TRIML2: variants seen among roughly 807,000 people sequenced by gnomAD.
TRIML2 encodes the protein probable E3 ubiquitin-protein ligase TRIML2.
Under a neutral mutation model 31.2 loss-of-function variants are expected in TRIML2, and 28 were observed. The observed-to-expected ratio is 0.90, with a 90% confidence interval of 0.66 to 1.23. The LOEUF (loss-of-function observed/expected upper bound fraction) is 1.23. Among genes scored for constraint, TRIML2 ranks in the 50% most tolerant of loss-of-function variants. The pLI, the probability that TRIML2 is intolerant of heterozygous loss-of-function variation, is 0.00. For synonymous variants in TRIML2, 187 were observed against 197.5 expected (o/e 0.95, Z 0.45); for missense variants, 536 against 528.3 (o/e 1.01, Z -0.14).
chr4:188,102,126 T>A (rs1180700237), intron 3 of TRIML2, among the ~76,000 whole-genome samples: 3 of 122,352 alleles, frequency 2.5e-5, no homozygotes, highest in East Asian at 7.0e-4. Context: ...GGAGACTCCA[T>A]CTTAAAAAAA....
chr4:188,096,158 G>A (rs9992923), intron 7 of TRIML2, among the ~76,000 whole-genome samples: 8,457 of 152,168 alleles, frequency 0.056, 379 homozygotes, highest in African/African-American at 0.12. Context: ...CAGCACTTTG[G>A]GAGCCTGAGG....
chr4:188,091,709 G>T lies in TRIML2; in HGVS notation c.978C>A (p.Asp326Glu). The T allele has an allele frequency of 6.2e-7, 1 of 1,613,564 alleles. No individual in the cohort carries two copies. Among genetic ancestry groups the T allele is most frequent in the Non-Finnish European group, 8.5e-7 (1 of 1,179,564 alleles). The change falls in exon 8 of 8, where the codon GAC becomes GAA. Residue 326 changes from aspartate to glutamate, a missense_variant. Physicochemically the swap from Asp to Glu is conservative, Grantham distance 45. Transcript: ENST00000682553. ...AAGCTCTGGCCGTGCTGCCCTTCGC[G>T]TCTGCAGAGCCGTGGTATATGCCCA... is the stretch of plus-strand genomic sequence containing the variant. ...WQVGIYHGSA[D>E]AKGSTARASG...
Position 188,091,642 on chromosome 4 carries a change from C to G in TRIML2, c.1045G>C (p.Glu349Gln). Residue 349 changes from glutamate to glutamine, a missense_variant, in exon 8 of 8, where the codon GAG becomes CAG. Glu to Gln is a conservative substitution (Grantham distance 29). Coordinates refer to ENST00000682553, the MANE Select transcript of TRIML2 (RefSeq NM_173553.4). ...VLLTGSVMGT[E>Q]WTLWVFPPLK... ...GGGGGGAAGACCCAGAGAGTCCACTCGGTCCCCATCACCGACCCCGTGAGC... is the reference window on the plus strand; with the variant it reads ...GGGGGGAAGACCCAGAGAGTCCACTGGGTCCCCATCACCGACCCCGTGAGC... The G allele has an allele frequency of 6.2e-7, 1 of 1,614,000 alleles. No individual in the cohort carries two copies. Among genetic ancestry groups the G allele is most frequent in the Non-Finnish European group, 8.5e-7 (1 of 1,179,884 alleles).
intron 3 of TRIML2, among the ~76,000 whole-genome samples, chr4:188,101,896 C>T (rs111621180): frequency 0.091 from 13,736 of 151,742 alleles, 816 homozygotes; most frequent in Middle Eastern, 0.14. Context: ...TTTGGGAGGC[C>T]GAGGCAGGCG....
In TRIML2 at chr4:188,103,010, T is replaced by G. The variant is rs1215441321; in HGVS notation, c.286-1760A>C. On this transcript the variant is annotated intron_variant, in intron 3 of 7. Coordinates refer to ENST00000682553, the MANE Select transcript of TRIML2 (RefSeq NM_173553.4). Reference sequence around the variant, plus strand: ...CCTCTGCTTTTACTCTCTTGGTTTTTTTTTTTTTTTTTTTTTTTTTGAGAC... The same window carrying G: ...CCTCTGCTTTTACTCTCTTGGTTTTGTTTTTTTTTTTTTTTTTTTTGAGAC... 4.8e-4 allele frequency among the ~76,000 whole-genome samples: 64 copies of G among 133,224 alleles called. 2 individuals carry two copies. The highest frequency in any genetic ancestry group is 1.4e-3 in the South Asian group (5 of 3,602). 87.4% of individuals were successfully genotyped at this position (133,224 alleles called of 152,430 possible). A position where few individuals can be genotyped will look rare whatever the true frequency, so the allele number is the denominator to read the frequency against.
In TRIML2 at chr4:188,097,353, GA is replaced by G; in HGVS notation, c.622-8del. 6.2e-7 allele frequency: 1 copy of G among 1,613,830 alleles called. No homozygotes were observed. The highest frequency in any genetic ancestry group is 8.5e-7 in the Non-Finnish European group (1 of 1,179,864). On this transcript the variant is annotated splice_polypyrimidine_tract_variant and splice_region_variant and intron_variant, in intron 5 of 7. Transcript: ENST00000682553. ...CTAAAGAGTATTTTGCATTCTAAGG[GA>G]AAGAAAAGAGACCAGGTTACTACTG...
intron 7 of TRIML2, chr4:188,092,932 G>A (rs1733331497): frequency 2.2e-6 from 1 of 455,930 alleles, no homozygotes; most frequent in Admixed American, 2.4e-5. Flanking sequence ...CTTCTTTCAA[G>A]TAGTATATTC....
chr4:188,096,128 G>T, intron 7 of TRIML2, among the ~76,000 whole-genome samples: 1 of 152,200 alleles, frequency 6.6e-6, no homozygotes, highest in Admixed American at 6.5e-5. Context: ...GCCAGGCGTG[G>T]TGGCTCACGC....
chr4:188,104,779 T>G, intron 3 of TRIML2, 58 bp downstream of exon 3: 1 of 1,376,812 alleles, frequency 7.3e-7, no homozygotes, highest in Non-Finnish European at 1.0e-6. Context: ...TGATACACTA[T>G]TTTCTAACAA....
chr4:188,092,781 ACT>A, intron 7 of TRIML2: 1 of 454,704 alleles, frequency 2.2e-6, no homozygotes, highest in Non-Finnish European at 4.4e-6. Context: ...CCCTCCAGAA[ACT>A]CACGCTGAGA....
chr4:188,109,129 C>T (rs1010347290), intron 1 of TRIML2, 114 bp downstream of exon 1: 1 of 141,690 alleles, frequency 7.1e-6, no homozygotes, highest in Admixed American at 7.2e-5. Flanking sequence ...TTTCTTCAGG[C>T]TTTTTCCTGA....
At chr4:188,108,345 G>T (rs1010105863) in intron 1 of TRIML2, among the ~76,000 whole-genome samples, 2 of 152,132 alleles carry the variant, frequency 1.3e-5, no homozygotes, top group African/African-American at 2.4e-5. Context: ...AGCCGCTCAG[G>T]ATCTCAACCC....
At chr4:188,108,553 T>TA (rs1435612486) in intron 1 of TRIML2, among the ~76,000 whole-genome samples, 1 of 152,206 alleles carries the variant, frequency 6.6e-6, no homozygotes, top group Admixed American at 6.6e-5. Flanking sequence ...TCTATGGCAT[T>TA]AGAGTAAGAT....
At chr4:188,101,589 A>G (rs12507119) in intron 3 of TRIML2, among the ~76,000 whole-genome samples, 25,628 of 151,582 alleles carry the variant, frequency 0.17, 3,225 homozygotes, top group East Asian at 0.57. Context: ...AGCTACTCGG[A>G]AGGCTAAGGC....
chr4:188,099,056 T>C lies in TRIML2; in HGVS notation c.600A>G (p.Glu200=). 1.2e-6 allele frequency: 2 copies of C among 1,614,192 alleles called. No homozygotes were observed. Among genetic ancestry groups the C allele is most frequent in the Non-Finnish European group, 1.7e-6 (2 of 1,180,030 alleles). Residue 200 remains glutamate (E), a synonymous_variant, in exon 5 of 8, where the codon GAA becomes GAG. Coordinates refer to ENST00000682553, the MANE Select transcript of TRIML2 (RefSeq NM_173553.4). The stretch of plus-strand genomic sequence containing the variant: ...TTACCTTGAGCAATGCCAAGGTGCC[T>C]TCCCCACACTTTTTCTCAAGCTCCA... ...LIVELEKKCG[E]GTLALLKNAK...
intron 3 of TRIML2, among the ~76,000 whole-genome samples, chr4:188,101,765 AT>A (rs1411708470): frequency 1.3e-5 from 2 of 152,112 alleles, no homozygotes; most frequent in African/African-American, 2.4e-5. Flanking sequence ...CAAAGGAGAA[AT>A]AGAATTTGAG....
intron 7 of TRIML2, among the ~76,000 whole-genome samples, chr4:188,093,356 C>CA (rs1363117096): frequency 6.6e-6 from 1 of 152,120 alleles, no homozygotes; most frequent in Non-Finnish European, 1.5e-5. Flanking sequence ...CTGGCAGAAA[C>CA]AAATGCAAAT....
chr4:188,096,557 A>AC (rs1733525526), intron 7 of TRIML2, among the ~76,000 whole-genome samples: 1 of 144,232 alleles, frequency 6.9e-6, no homozygotes, highest in Non-Finnish European at 1.5e-5. Context: ...AAAAAAAAAA[A>AC]AGATTTTGCA....
At chr4:188,099,215 G>A in intron 4 of TRIML2, 40 bp from the exon 5 acceptor site, 3 of 1,551,684 alleles carry the variant, frequency 1.9e-6, no homozygotes, top group Non-Finnish European at 2.6e-6. Context: ...ACAACCTCAA[G>A]TTCAGGAACA....
Sources: gnomAD v4.1 joint callset for allele counts (sites outside exome capture counted in the v4.1 genomes callset) on GRCh38, gnomAD v4.1.1 for gene constraint, MANE v1.5 for transcripts, NCBI Gene and HGNC (gene_info 2026-07-23, HGNC 2026-07-21) for gene names.